The following ADGRA1 variants were observed in gnomAD, a reference collection of about 807,000 sequenced individuals.
The protein encoded by ADGRA1 is adhesion G protein-coupled receptor A1, also known as G-protein coupled receptor 123.
A neutral mutation model predicts 21.3 loss-of-function variants in ADGRA1; 12 were observed. The ratio of observed to expected loss-of-function variants is 0.56; its 90% CI spans 0.36 to 0.91. ADGRA1 has a LOEUF of 0.91. Among genes scored for constraint, ADGRA1 ranks in the 40% least tolerant of loss-of-function variants. The probability of loss-of-function intolerance (pLI) is 0.01; values close to 1 mark genes in which losing one functional copy is unlikely to be tolerated. For missense variants in ADGRA1, 790 were observed against 805.6 expected (o/e 0.98, Z 0.23); for synonymous variants, 385 against 368.8 (o/e 1.04, Z -0.50).
At chr10:133,092,855 A>AGGAAGGAAGGAAGGAAGGAC in intron 2 of ADGRA1, 1 of 1,265,146 alleles carries the variant, frequency 7.9e-7, no homozygotes. Context: ...GAAGGAAGGA[A>AGGAAGGAAGGAAGGAAGGAC]GGAAGGAAGG....
chr10:133,095,541 G>A (rs1035245668), intron 2 of ADGRA1: 66 of 1,316,100 alleles, frequency 5.0e-5, no homozygotes, highest in Admixed American at 1.1e-4. Flanking sequence ...CAGGCTCCTC[G>A]TCCCGGGATG....
rs187191147 is a variant in ADGRA1 at position 133,110,117 on chromosome 10, G to A, written c.401+7275G>A. On this transcript the variant is annotated intron_variant, in intron 5 of 6. Coordinates refer to ENST00000392607, the MANE Select transcript of ADGRA1 (RefSeq NM_001083909.3). The stretch of plus-strand genomic sequence containing the variant: ...CAACGAGGGAAAAGACATCCAGCAG[G>A]GTCCAAGACTCCAGGTGCCGTCTCC... Among the ~76,000 whole-genome samples, 362 of 152,358 alleles carry A rather than the reference G, an allele frequency of 2.4e-3. 2 individuals carry two copies. Among genetic ancestry groups the A allele is most frequent in the African/African-American group, 8.5e-3 (353 of 41,584 alleles).
At chr10:133,120,327 C>T (rs2135902514) in intron 5 of ADGRA1, among the ~76,000 whole-genome samples, 2 of 152,274 alleles carry the variant, frequency 1.3e-5, no homozygotes, top group Middle Eastern at 6.8e-3. Flanking sequence ...ATCACTTGAA[C>T]CTGGGAGGTG....
chr10:133,095,746 T>C (rs994192698), intron 2 of ADGRA1: 3 of 1,598,428 alleles, frequency 1.9e-6, no homozygotes, highest in Admixed American at 3.3e-5. Flanking sequence ...AAGCAGGAGC[T>C]CTCGGGCCCG....
At chr10:133,100,099 C>T (rs34160235) in intron 4 of ADGRA1, among the ~76,000 whole-genome samples, 2,001 of 152,348 alleles carry the variant, frequency 0.013, 16 homozygotes, top group Non-Finnish European at 0.019. Flanking sequence ...CCCTGGCGTC[C>T]GGCACGCAGA....
chr10:133,129,441 GC>G lies in ADGRA1; in HGVS notation c.1615del (p.Leu539CysfsTer85). ...NGLPKGKLLEGLPFGTDGTGN... is the reference protein window; with the variant it reads ...NGLPKGKLLEXLPFGTDGTGN... ...CTGCCCAAGGGTAAATTGCTAGAAG[GC>G]CTGCCGTTTGGCACCGACGGGACCG... On this transcript the variant is annotated frameshift_variant, in exon 7 of 7. Coordinates refer to ENST00000392607, the MANE Select transcript of ADGRA1 (RefSeq NM_001083909.3). LOFTEE classifies it low-confidence loss of function (END_TRUNC). 1 of 1,602,942 alleles carries G rather than the reference GC, an allele frequency of 6.2e-7. No individual in the cohort carries two copies. Among genetic ancestry groups the G allele is most frequent in the Non-Finnish European group, 8.5e-7 (1 of 1,179,902 alleles).
chr10:133,115,167 G>T (rs1414528616), intron 5 of ADGRA1, among the ~76,000 whole-genome samples: 1 of 152,072 alleles, frequency 6.6e-6, no homozygotes, highest in African/African-American at 2.4e-5. Flanking sequence ...GATGGATGAG[G>T]TGCACCTGGG....
chr10:133,107,433 A>C (rs540445360), intron 5 of ADGRA1, among the ~76,000 whole-genome samples: 1 of 151,684 alleles, frequency 6.6e-6, no homozygotes, highest in East Asian at 1.9e-4. Flanking sequence ...AATTTTCTTG[A>C]TCTGTTTAAA....
At chr10:133,112,710 G>GGGTCTGTGGGCCGTGTCGGTTATTTGA in intron 5 of ADGRA1, among the ~76,000 whole-genome samples, 1 of 74,338 alleles carries the variant, frequency 1.3e-5, no homozygotes, top group Non-Finnish European at 2.7e-5. Context: ...CAGTTATTTG[G>GGGTCTGTGGGCCGTGTCGGTTATTTGA]GGTCTGCGGG....
chr10:133,130,712 TCACA>T lies in ADGRA1; in HGVS notation c.*1205_*1208del, dbSNP rs534136275. The T allele has an allele frequency of 3.5e-5, 5 of 144,892 alleles. No individual in the cohort carries two copies. Among genetic ancestry groups the T allele is most frequent in the African/African-American group, 1.3e-4 (5 of 38,518 alleles). The allele number at this position is 144,892 out of a possible 1,614,324, so 9.0% of individuals were successfully genotyped here. ...GCACACACACAAACACATGTGCATA[TCACA>T]CACGCGCACACACCCAAACACGTGC... is the stretch of plus-strand genomic sequence containing the variant. On this transcript the variant is annotated 3_prime_UTR_variant, in exon 7 of 7. Coordinates refer to ENST00000392607, the MANE Select transcript of ADGRA1 (RefSeq NM_001083909.3).
At chr10:133,108,770 C>G (rs780305075) in intron 5 of ADGRA1, among the ~76,000 whole-genome samples, 2 of 152,128 alleles carry the variant, frequency 1.3e-5, no homozygotes, top group Non-Finnish European at 2.9e-5. Flanking sequence ...CAGCTCAATA[C>G]TGGGTGCATG....
At chr10:133,121,444 C>T (rs935625148) in intron 5 of ADGRA1, among the ~76,000 whole-genome samples, 8 of 142,540 alleles carry the variant, frequency 5.6e-5, no homozygotes, top group South Asian at 4.7e-4. Flanking sequence ...TGCGTGTGTG[C>T]GTGTGCGTGG....
At chr10:133,089,652 G>A (rs1041150768) in intron 2 of ADGRA1, among the ~76,000 whole-genome samples, 5 of 152,254 alleles carry the variant, frequency 3.3e-5, no homozygotes, top group African/African-American at 1.2e-4. Context: ...CCTCTAGAAT[G>A]TGCGGCCGCC....
At chr10:133,115,268 C>T (rs1169036686) in intron 5 of ADGRA1, among the ~76,000 whole-genome samples, 2 of 152,154 alleles carry the variant, frequency 1.3e-5, no homozygotes, top group South Asian at 2.1e-4. Flanking sequence ...GCAGGGGTGG[C>T]GCAGGCTGGG....
chr10:133,093,378 G>A (rs1250945903), intron 2 of ADGRA1: 2 of 1,222,542 alleles, frequency 1.6e-6, no homozygotes, highest in South Asian at 3.1e-5. Flanking sequence ...CACCAAAGAG[G>A]AGACCTCCAA....
chr10:133,110,111 C>A (rs1297899856), intron 5 of ADGRA1, among the ~76,000 whole-genome samples: 1 of 152,258 alleles, frequency 6.6e-6, no homozygotes, highest in African/African-American at 2.4e-5. Flanking sequence ...AAAAGACATC[C>A]AGCAGGGTCC....
chr10:133,121,428 T>A (rs1320987210), intron 5 of ADGRA1, among the ~76,000 whole-genome samples: 1 of 141,056 alleles, frequency 7.1e-6, no homozygotes, highest in African/African-American at 2.7e-5. Flanking sequence ...GTGTGGTGTG[T>A]CAGTGTGCGT....
chr10:133,109,931 G>C (rs1444399461), intron 5 of ADGRA1, among the ~76,000 whole-genome samples: 1 of 152,226 alleles, frequency 6.6e-6, no homozygotes. Context: ...ACTCAGGGCG[G>C]GGCTGGAAGG....
chr10:133,112,717 CGGGCCGCGTCGGTT>C (rs1564850357), intron 5 of ADGRA1, among the ~76,000 whole-genome samples: 8 of 111,790 alleles, frequency 7.2e-5, no homozygotes, highest in Non-Finnish European at 7.4e-5. Context: ...TTGGGGTCTG[CGGGCCGCGTCGGTT>C]ATTTGAGGTC....
Sources: gnomAD v4.1 joint callset for allele counts (sites outside exome capture counted in the v4.1 genomes callset) on GRCh38, gnomAD v4.1.1 for gene constraint, MANE v1.5 for transcripts, NCBI Gene and HGNC (gene_info 2026-07-23, HGNC 2026-07-21) for gene names.